C8orf34: variants seen among roughly 807,000 people sequenced by gnomAD.
The protein encoded by C8orf34 is uncharacterized protein C8orf34.
In C8orf34, 65 loss-of-function variants were observed where a neutral mutation model predicts 68.3. The ratio of observed to expected loss-of-function variants is 0.95; its 90% CI spans 0.78 to 1.17. The LOEUF is 1.17. Among genes scored for constraint, C8orf34 ranks in the 50% most tolerant of loss-of-function variants. C8orf34 has a pLI of 0.00. For missense variants in C8orf34, 664 were observed against 655.4 expected (o/e 1.01, Z -0.14); for synonymous variants, 244 against 241.2 (o/e 1.01, Z -0.11).
intron 1 of C8orf34, among the ~76,000 whole-genome samples, chr8:68,343,640 C>T (rs570299582): frequency 6.6e-6 from 1 of 150,376 alleles, no homozygotes; most frequent in Admixed American, 6.6e-5. Flanking sequence ...GCCGCCCAGG[C>T]TGGAGTGCAG....
chr8:68,594,323 T>C (rs1005757396), intron 7 of C8orf34, among the ~76,000 whole-genome samples: 2 of 152,142 alleles, frequency 1.3e-5, no homozygotes, highest in African/African-American at 4.8e-5. Flanking sequence ...GTTAGATCCA[T>C]ATATGGGAAT....
chr8:68,628,488 C>T (rs1307653180), intron 7 of C8orf34, among the ~76,000 whole-genome samples: 1 of 152,124 alleles, frequency 6.6e-6, no homozygotes, highest in African/African-American at 2.4e-5. Context: ...TGTTTTCATA[C>T]ACGTTTTATT....
At chr8:68,740,761 T>C (rs1344733613) in intron 10 of C8orf34, among the ~76,000 whole-genome samples, 1 of 152,062 alleles carries the variant, frequency 6.6e-6, no homozygotes, top group Non-Finnish European at 1.5e-5. Context: ...GAATATAAAT[T>C]GTTCTGTCAT....
intron 7 of C8orf34, among the ~76,000 whole-genome samples, chr8:68,619,435 TG>T (rs1818324535): frequency 6.6e-6 from 1 of 152,184 alleles, no homozygotes. Context: ...ACAGGCAGGC[TG>T]TAATAAACAA....
chr8:68,563,287 C>A (rs1006533857), intron 7 of C8orf34, among the ~76,000 whole-genome samples: 20 of 152,166 alleles, frequency 1.3e-4, no homozygotes, highest in African/African-American at 4.8e-4. Context: ...TGTCCTAGGG[C>A]CTTAACTCTC....
At chr8:68,457,868 T>A (rs1439984502) in intron 3 of C8orf34, among the ~76,000 whole-genome samples, 18 of 152,350 alleles carry the variant, frequency 1.2e-4, no homozygotes, top group Middle Eastern at 3.4e-3. Context: ...GGATATTTTT[T>A]AAAACATTTT....
rs919742132 is a variant in C8orf34 at position 68,650,541 on chromosome 8, A to G, written c.1241+10030A>G. Among the ~76,000 whole-genome samples, 69 of 138,958 alleles carry G rather than the reference A, an allele frequency of 5.0e-4. No homozygotes were observed. The South Asian group carries it at 0.01, about 21-fold the overall frequency. 91.2% of individuals were successfully genotyped at this position (138,958 alleles called of 152,430 possible). On this transcript the variant is annotated intron_variant, in intron 8 of 13. Transcript: ENST00000518698. The stretch of plus-strand genomic sequence containing the variant: ...GTCGCCCAGGCTGGAGTGCAGTGGC[A>G]GGATCTCGGCTCACTGCAAGCTCCG...
At chr8:68,552,153 G>T (rs1816095198) in intron 7 of C8orf34, among the ~76,000 whole-genome samples, 1 of 152,126 alleles carries the variant, frequency 6.6e-6, no homozygotes, top group Non-Finnish European at 1.5e-5. Context: ...GTTTGGAAAT[G>T]AGTAAGTCCT....
chr8:68,812,483 A>G, intron 12 of C8orf34, among the ~76,000 whole-genome samples: 1 of 152,114 alleles, frequency 6.6e-6, no homozygotes, highest in Non-Finnish European at 1.5e-5. Flanking sequence ...ATTATATGTG[A>G]CTTTCTCTTC....
intron 7 of C8orf34, among the ~76,000 whole-genome samples, chr8:68,597,315 C>T (rs186240550): frequency 6.6e-6 from 1 of 152,052 alleles, no homozygotes; most frequent in African/African-American, 2.4e-5. Flanking sequence ...GATTGGTGTT[C>T]AGACTGTTCT....
chr8:68,515,232 C>T (rs1409783048), intron 5 of C8orf34, among the ~76,000 whole-genome samples: 1 of 151,484 alleles, frequency 6.6e-6, no homozygotes, highest in Non-Finnish European at 1.5e-5. Flanking sequence ...AGGAATAGAA[C>T]CTGAGTTCTG....
At chr8:68,663,421 G>A (rs1479702082) in intron 8 of C8orf34, among the ~76,000 whole-genome samples, 1 of 152,170 alleles carries the variant, frequency 6.6e-6, no homozygotes, top group Non-Finnish European at 1.5e-5. Flanking sequence ...AGGTAGAAGA[G>A]ATTATTTTTC....
At chr8:68,779,041 G>A (rs552578574) in intron 11 of C8orf34, among the ~76,000 whole-genome samples, 1 of 152,146 alleles carries the variant, frequency 6.6e-6, no homozygotes, top group South Asian at 2.1e-4. Flanking sequence ...GGCAGGCATA[G>A]TGGCACACAC....
At chr8:68,667,700 C>T (rs1819882541) in intron 8 of C8orf34, among the ~76,000 whole-genome samples, 1 of 152,138 alleles carries the variant, frequency 6.6e-6, no homozygotes, top group South Asian at 2.1e-4. Flanking sequence ...TTAGTTATTA[C>T]TGCAAGGCAT....
chr8:68,625,396 T>A, intron 7 of C8orf34: 1 of 490,376 alleles, frequency 2.0e-6, no homozygotes, highest in South Asian at 3.5e-5. Context: ...TGAGATGAGG[T>A]TGTGAGGTGA....
At chr8:68,797,992 T>C (rs1824226342) in intron 12 of C8orf34, among the ~76,000 whole-genome samples, 1 of 151,884 alleles carries the variant, frequency 6.6e-6, no homozygotes, top group Non-Finnish European at 1.5e-5. Flanking sequence ...AAAACAACAA[T>C]AGTAGTACAA....
chr8:68,651,898 A>G (rs984659025), intron 8 of C8orf34, among the ~76,000 whole-genome samples: 11 of 152,192 alleles, frequency 7.2e-5, no homozygotes, highest in Non-Finnish European at 1.5e-4. Flanking sequence ...CCCTGAATCT[A>G]AAATAAAATA....
chr8:68,558,753 T>C (rs1305473726), intron 7 of C8orf34, among the ~76,000 whole-genome samples: 3 of 152,186 alleles, frequency 2.0e-5, no homozygotes, highest in Non-Finnish European at 4.4e-5. Flanking sequence ...TATGATTCCA[T>C]TTCTGATTAG....
intron 10 of C8orf34, among the ~76,000 whole-genome samples, chr8:68,769,645 A>C (rs535666709): frequency 6.6e-6 from 1 of 152,284 alleles, no homozygotes; most frequent in South Asian, 2.1e-4. Flanking sequence ...AAAGTGACTT[A>C]GCTCTTTTTT....
Sources: allele counts gnomAD v4.1 joint callset (sites outside exome capture counted in the v4.1 genomes callset), GRCh38; gene constraint gnomAD v4.1.1; transcripts MANE v1.5; gene names NCBI Gene and HGNC (gene_info 2026-07-23, HGNC 2026-07-21).